NEXMIF: variants seen among roughly 807,000 people sequenced by gnomAD.
The protein encoded by NEXMIF is XLMR protein related to neurite extension.
A neutral mutation model predicts 62.1 loss-of-function variants in NEXMIF; 8 were observed. The ratio of observed to expected loss-of-function variants is 0.13; its 90% CI spans 0.08 to 0.23. The LOEUF is 0.23. NEXMIF is among the 10% of genes least tolerant of loss of function. The pLI is 1.00. For synonymous variants in NEXMIF, 404 were observed against 416.6 expected, an observed-to-expected ratio of 0.97 and a Z score of 0.37; for missense variants, 976 against 1,113.3, an observed-to-expected ratio of 0.88 and a Z score of 1.75.
rs192018262 is a variant in NEXMIF at position 74,754,317 on chromosome X, T to A, written c.-47-8620A>T. The stretch of plus-strand genomic sequence containing the variant: ...TTTTTTATTTTTATTTTTTTATTTT[T>A]TTTTTTTGTGAGACGGAGTCTCACT... On this transcript the variant is annotated intron_variant, in intron 1 of 3. Transcript: ENST00000055682. 4.5e-3 allele frequency among the ~76,000 whole-genome samples: 484 copies of A among 106,581 alleles called. 3 individuals carry two copies. Among genetic ancestry groups the A allele is most frequent in the African/African-American group, 0.015 (446 of 29,421 alleles). The allele number at this position is 106,581 out of a possible 115,157, so 92.6% of individuals were successfully genotyped here.
At chrX:74,845,404 C>T (rs1332375917) in intron 1 of NEXMIF, among the ~76,000 whole-genome samples, 1 of 111,946 alleles carries the variant, frequency 8.9e-6, no homozygotes, top group Non-Finnish European at 1.9e-5. Flanking sequence ...TCAAATAACT[C>T]ATATTCTATG....
Position 74,740,298 on chromosome X carries a change from T to G in NEXMIF, c.4259A>C (p.Glu1420Ala). ...PGRANMPGYN[E>A]DSRSTFFDKK... ...ATCAAAGAAGGTAGAGCGAGAGTCC[T>G]CGTTATAACCAGGCATGTTTGCACG... Residue 1420 changes from glutamate to alanine, a missense_variant, in exon 3 of 4, where the codon GAG becomes GCG. Coordinates refer to ENST00000055682, the MANE Select transcript of NEXMIF (RefSeq NM_001008537.3). The G allele has an allele frequency of 8.3e-7, 1 of 1,211,487 alleles. No homozygotes were observed. Among genetic ancestry groups the G allele is most frequent in the Non-Finnish European group, 1.1e-6 (1 of 895,343 alleles).
intron 1 of NEXMIF, among the ~76,000 whole-genome samples, chrX:74,760,052 A>T (rs2080171375): frequency 8.9e-6 from 1 of 111,801 alleles, no homozygotes; most frequent in Admixed American, 9.5e-5. Context: ...TGTGTGTGTC[A>T]TCTCTGATTT....
intron 1 of NEXMIF, among the ~76,000 whole-genome samples, chrX:74,843,878 C>T (rs1006529927): frequency 2.7e-5 from 3 of 112,112 alleles, no homozygotes; most frequent in African/African-American, 9.7e-5. Context: ...TACAATGACA[C>T]TGGTCTGTGT....
intron 1 of NEXMIF, among the ~76,000 whole-genome samples, chrX:74,804,637 C>A (rs922905559): frequency 1.8e-5 from 2 of 111,741 alleles, no homozygotes; most frequent in African/African-American, 6.5e-5. Context: ...TAGACAAAGT[C>A]CTTCCCACTC....
intron 1 of NEXMIF, among the ~76,000 whole-genome samples, chrX:74,822,997 T>C (rs778816696): frequency 8.9e-6 from 1 of 111,969 alleles, no homozygotes; most frequent in Admixed American, 9.5e-5. Context: ...AGCATACCCA[T>C]ACAATGGTAT....
chrX:74,797,486 G>A (rs1261860831), intron 1 of NEXMIF, among the ~76,000 whole-genome samples: 1 of 111,850 alleles, frequency 8.9e-6, no homozygotes, highest in Non-Finnish European at 1.9e-5. Context: ...CTCAAATAAA[G>A]TTTAAAAATT....
chrX:74,793,680 TA>T (rs1250236971), intron 1 of NEXMIF, among the ~76,000 whole-genome samples: 3 of 105,319 alleles, frequency 2.8e-5, no homozygotes, highest in Non-Finnish European at 5.9e-5. Flanking sequence ...TATTTCTTTT[TA>T]TTCTTTTTTC....
At chrX:74,823,858 G>A (rs984619499) in intron 1 of NEXMIF, among the ~76,000 whole-genome samples, 2 of 111,268 alleles carry the variant, frequency 1.8e-5, no homozygotes, top group Admixed American at 1.9e-4. Flanking sequence ...ACAGGAGTTC[G>A]TTTTACAATT....
At chrX:74,749,244 G>A (rs1694212684) in intron 1 of NEXMIF, among the ~76,000 whole-genome samples, 1 of 111,120 alleles carries the variant, frequency 9.0e-6, no homozygotes, top group South Asian at 3.8e-4. Flanking sequence ...GGTGAACCTT[G>A]AAGGATGACC....
intron 1 of NEXMIF, among the ~76,000 whole-genome samples, chrX:74,763,250 C>A (rs746592643): frequency 9.0e-6 from 1 of 111,731 alleles, no homozygotes; most frequent in Non-Finnish European, 1.9e-5. Context: ...TTGTTTTTCT[C>A]AGGTTTGTCA....
At chrX:74,792,974 C>G (rs2080290655) in intron 1 of NEXMIF, among the ~76,000 whole-genome samples, 1 of 108,003 alleles carries the variant, frequency 9.3e-6, no homozygotes, top group African/African-American at 3.4e-5. Context: ...AGTCCATTTA[C>G]GTTTAAAGTT....
At chrX:74,875,900 T>C (rs980814030) in intron 1 of NEXMIF, among the ~76,000 whole-genome samples, 3 of 111,744 alleles carry the variant, frequency 2.7e-5, no homozygotes, top group Non-Finnish European at 5.6e-5. Context: ...TCCTTATTAG[T>C]CTTGCTAGTG....
At position 74,827,281 on chromosome X, in the gene NEXMIF, G is replaced by C. The variant is rs184274740; in HGVS notation, c.-47-81584C>G. Among the ~76,000 whole-genome samples the C allele has an allele frequency of 1.7e-4, 19 of 111,949 alleles. No homozygotes were observed. The East Asian group carries it at 3.1e-3, about 18-fold the overall frequency. On this transcript the variant is annotated intron_variant, in intron 1 of 3. Transcript: ENST00000055682. Reference sequence around the variant, plus strand: ...GCTTGATAAATCAACAAGGGAGGTAGGCCTGAAACATGTAACAAGAGAATC... The same window carrying C: ...GCTTGATAAATCAACAAGGGAGGTACGCCTGAAACATGTAACAAGAGAATC...
At chrX:74,884,723 A>C (rs887046727) in intron 1 of NEXMIF, among the ~76,000 whole-genome samples, 4 of 111,705 alleles carry the variant, frequency 3.6e-5, no homozygotes, top group Admixed American at 2.9e-4. Flanking sequence ...CACTGTCAAC[A>C]TTAGACAAAT....
At chrX:74,790,671 C>A (rs1233859561) in intron 1 of NEXMIF, among the ~76,000 whole-genome samples, 1 of 113,525 alleles carries the variant, frequency 8.8e-6, no homozygotes, top group Non-Finnish European at 1.9e-5. Context: ...GTTTGTAGTT[C>A]TCCTTGAAGA....
chrX:74,896,426 A>G (rs1226785898), intron 1 of NEXMIF, among the ~76,000 whole-genome samples: 1 of 112,503 alleles, frequency 8.9e-6, no homozygotes, highest in Non-Finnish European at 1.9e-5. Flanking sequence ...CCTTAAAGGC[A>G]GGAGGCTCTT....
At chrX:74,757,250 A>C (rs2080162103) in intron 1 of NEXMIF, among the ~76,000 whole-genome samples, 1 of 112,524 alleles carries the variant, frequency 8.9e-6, no homozygotes, top group Non-Finnish European at 1.9e-5. Context: ...CAGAGCAGAT[A>C]CCGAACATTT....
intron 1 of NEXMIF, among the ~76,000 whole-genome samples, chrX:74,874,314 A>G (rs1346653602): frequency 1.9e-5 from 2 of 103,080 alleles, no homozygotes; most frequent in African/African-American, 3.6e-5. Flanking sequence ...GATATGTGGC[A>G]TTATTTCTGA....
Sources: allele counts gnomAD v4.1 joint callset (sites outside exome capture counted in the v4.1 genomes callset), GRCh38; gene constraint gnomAD v4.1.1; transcripts MANE v1.5; gene names NCBI Gene and HGNC (gene_info 2026-07-23, HGNC 2026-07-21).